The following GNG12 variants were observed in gnomAD, a reference collection of about 807,000 sequenced individuals.
GNG12 encodes guanine nucleotide-binding protein G(I)/G(S)/G(O) subunit gamma-12.
For missense variants in GNG12, 69 were observed against 83.8 expected (o/e 0.82, Z 0.69); for synonymous variants, 28 against 29.7 (o/e 0.94, Z 0.19).
At chr1:67,833,313 T>A in intron 1 of GNG12, 31 bp downstream of exon 1, 1 of 899,042 alleles carries the variant, frequency 1.1e-6, no homozygotes, top group Non-Finnish European at 1.3e-6. Flanking sequence ...GGGACCCGAC[T>A]CACCACCCGC....
At position 67,777,490 on chromosome 1, in the gene GNG12, G is replaced by T; in HGVS notation, c.-59C>A. ...ACTTTGTGTGGTCCAATGTTTTCAG[G>T]TTTTAAGTGGAATGAATCTGAAATA... On this transcript the variant is annotated 5_prime_UTR_variant, in exon 2 of 4. Coordinates refer to ENST00000370982, the MANE Select transcript of GNG12 (RefSeq NM_018841.6). 1.1e-6 allele frequency: 1 copy of T among 900,224 alleles called. No homozygotes were observed. The highest frequency in any genetic ancestry group is 1.3e-6 in the Non-Finnish European group (1 of 752,134). 55.8% of individuals were successfully genotyped at this position (900,224 alleles called of 1,614,324 possible).
In GNG12 at chr1:67,795,540, T is replaced by A. The variant is rs189842113; in HGVS notation, c.-76-18033A>T. ...AAGAATAAGATGCTGTCTCAGGAAA[T>A]CCTGAATGCCAGTTCTCAGGACTCT... On this transcript the variant is annotated intron_variant, in intron 1 of 3. Transcript: ENST00000370982. Among the ~76,000 whole-genome samples, 39 of 152,312 alleles carry A rather than the reference T, an allele frequency of 2.6e-4. No homozygotes were observed. In the East Asian group the frequency reaches 7.5e-3, roughly 29 times the overall value.
chr1:67,774,297 T>C (rs1371734721), intron 2 of GNG12, among the ~76,000 whole-genome samples: 1 of 152,232 alleles, frequency 6.6e-6, no homozygotes, highest in African/African-American at 2.4e-5. Context: ...ATTTTATCTC[T>C]GACTTCACCC....
intron 1 of GNG12, among the ~76,000 whole-genome samples, chr1:67,788,228 G>A (rs879641516): frequency 6.6e-6 from 1 of 152,170 alleles, no homozygotes; most frequent in Admixed American, 6.5e-5. Flanking sequence ...TCAAATAATT[G>A]CATACTTCAC....
At chr1:67,775,246 G>A (rs1646698136) in intron 2 of GNG12, among the ~76,000 whole-genome samples, 1 of 152,152 alleles carries the variant, frequency 6.6e-6, no homozygotes, top group Non-Finnish European at 1.5e-5. Context: ...TTATAGATGG[G>A]CAAACTGAGG....
intron 2 of GNG12, among the ~76,000 whole-genome samples, chr1:67,726,007 C>A (rs1210789917): frequency 3.9e-5 from 6 of 152,176 alleles, no homozygotes; most frequent in Non-Finnish European, 7.3e-5. Flanking sequence ...GTTTTACTCA[C>A]TCAAATTTAA....
At chr1:67,712,784 T>G (rs1646303295) in intron 2 of GNG12, among the ~76,000 whole-genome samples, 1 of 151,668 alleles carries the variant, frequency 6.6e-6, no homozygotes, top group South Asian at 2.1e-4. Flanking sequence ...CCAATTAGTT[T>G]GATTCATAAA....
chr1:67,807,423 T>C (rs528237023), intron 1 of GNG12, among the ~76,000 whole-genome samples: 3 of 148,910 alleles, frequency 2.0e-5, no homozygotes, highest in Non-Finnish European at 3.0e-5. Flanking sequence ...AAGATTAATA[T>C]ACAAAGAAAA....
chr1:67,733,903 A>G (rs1387054178), intron 2 of GNG12, among the ~76,000 whole-genome samples: 1 of 152,146 alleles, frequency 6.6e-6, no homozygotes, highest in Non-Finnish European at 1.5e-5. Context: ...TACAGCACCC[A>G]TTCTCCTTGG....
chr1:67,831,082 C>T (rs957430668), intron 1 of GNG12, among the ~76,000 whole-genome samples: 1 of 152,156 alleles, frequency 6.6e-6, no homozygotes, highest in Non-Finnish European at 1.5e-5. Flanking sequence ...ACTCCAAAGC[C>T]AACACCCCAA....
chr1:67,818,419 T>TTG (rs1366489976), intron 1 of GNG12, among the ~76,000 whole-genome samples: 7 of 137,062 alleles, frequency 5.1e-5, no homozygotes, highest in Non-Finnish European at 1.1e-4. Flanking sequence ...AGGGGTTTTT[T>TTG]TTTTTTTTTT....
rs113663971 is a variant in GNG12 at position 67,735,124 on chromosome 1, G to A, written c.-26-27412C>T. Among the ~76,000 whole-genome samples the A allele has an allele frequency of 4.8e-3, 733 of 152,150 alleles. 6 individuals are homozygous for A. The highest frequency in any genetic ancestry group is 8.8e-3 in the Non-Finnish European group (597 of 68,010). On this transcript the variant is annotated intron_variant, in intron 2 of 3. Transcript: ENST00000370982. ...ACCCTCCTTGGCCTTCCAAAATGTT[G>A]GGATTACAGGCATGAGCCACCGCGC...
rs548350775 is a variant in GNG12 at position 67,804,726 on chromosome 1, C to T, written c.-76-27219G>A. On this transcript the variant is annotated intron_variant, in intron 1 of 3. Coordinates refer to ENST00000370982, the MANE Select transcript of GNG12 (RefSeq NM_018841.6). ...ATAGAAACCTTCAAGCAGAAGCCTG[C>T]GTAGGAACCAGCACCAAGATGGAAA... is the stretch of plus-strand genomic sequence containing the variant. 4.5e-4 allele frequency among the ~76,000 whole-genome samples: 69 copies of T among 151,886 alleles called. 4 individuals carry two copies. In the South Asian group the frequency reaches 9.1e-3, roughly 20 times the overall value.
chr1:67,786,935 A>ATGTATGTG (rs1646771459), intron 1 of GNG12, among the ~76,000 whole-genome samples: 1 of 133,410 alleles, frequency 7.5e-6, no homozygotes, highest in Non-Finnish European at 1.6e-5. Flanking sequence ...TTATATATAT[A>ATGTATGTG]TGTGTGTGTG....
Position 67,790,270 on chromosome 1 carries a change from C to T in GNG12, c.-76-12763G>A, listed in dbSNP as rs574768890. 3.3e-5 allele frequency among the ~76,000 whole-genome samples: 5 copies of T among 152,334 alleles called. No homozygotes were observed. In the East Asian group the frequency reaches 9.6e-4, roughly 29 times the overall value. ...GTAATATTAGTTTGCACCCCCGCCT[C>T]CACCAGGCATCCTTACAGATCTTTC... On this transcript the variant is annotated intron_variant, in intron 1 of 3. Transcript: ENST00000370982.
intron 1 of GNG12, among the ~76,000 whole-genome samples, chr1:67,787,908 A>G (rs1375366115): frequency 5.9e-5 from 9 of 152,182 alleles, no homozygotes; most frequent in Non-Finnish European, 1.2e-4. Context: ...TTTGTACTGA[A>G]AGTCTCATGT....
intron 1 of GNG12, among the ~76,000 whole-genome samples, chr1:67,830,423 C>T (rs1375482525): frequency 1.3e-5 from 2 of 152,212 alleles, no homozygotes; most frequent in Non-Finnish European, 2.9e-5. Flanking sequence ...AAAACAACGA[C>T]TCACAATCAG....
intron 2 of GNG12, among the ~76,000 whole-genome samples, chr1:67,761,301 T>G (rs1646602782): frequency 6.6e-6 from 1 of 152,228 alleles, no homozygotes; most frequent in Admixed American, 6.5e-5. Context: ...TGAGACAGCT[T>G]TAAGATACAA....
chr1:67,807,305 A>T (rs550153623), intron 1 of GNG12, among the ~76,000 whole-genome samples: 72 of 152,176 alleles, frequency 4.7e-4, no homozygotes, highest in Non-Finnish European at 7.1e-4. Context: ...GGAAATTTAC[A>T]GCATTAAATA....
Sources: allele counts gnomAD v4.1 joint callset (sites outside exome capture counted in the v4.1 genomes callset), GRCh38; gene constraint gnomAD v4.1.1; transcripts MANE v1.5; gene names NCBI Gene and HGNC (gene_info 2026-07-23, HGNC 2026-07-21).